Variants in HMGA2 observed in about 807,000 individuals in gnomAD.
HMGA2 encodes high mobility group AT-hook 2.
In HMGA2, 8 loss-of-function variants were observed where a neutral mutation model predicts 19.1. The observed-to-expected ratio is 0.42, with a 90% confidence interval of 0.25 to 0.76. The LOEUF is 0.76. Ranked by LOEUF, HMGA2 falls within the 30% of genes least tolerant of loss-of-function variation. The pLI is 0.28. For missense variants in HMGA2, 109 were observed against 136.3 expected, an observed-to-expected ratio of 0.80 and a Z score of 1.00; for synonymous variants, 60 against 48.8, an observed-to-expected ratio of 1.23 and a Z score of -0.96.
chr12:65,882,174 C>T (rs1490645980), intron 3 of HMGA2: 5 of 380,648 alleles, frequency 1.3e-5, no homozygotes, highest in Non-Finnish European at 2.0e-5. Flanking sequence ...GCTGGCCTTT[C>T]TGCTGCTGGT....
chr12:65,907,452 G>C (rs1325031533), intron 3 of HMGA2, among the ~76,000 whole-genome samples: 1 of 150,142 alleles, frequency 6.7e-6, no homozygotes, highest in Admixed American at 6.6e-5. Context: ...AAAGTGCTCT[G>C]ATAGTCATAT....
intron 3 of HMGA2, among the ~76,000 whole-genome samples, chr12:65,897,610 A>G (rs1343943381): frequency 6.6e-6 from 1 of 152,200 alleles, no homozygotes; most frequent in African/African-American, 2.4e-5. Flanking sequence ...AAAAGTCAAA[A>G]GGAATGTTAG....
At chr12:65,882,037 C>T in intron 3 of HMGA2, 1 of 644,132 alleles carries the variant, frequency 1.6e-6, no homozygotes, top group Non-Finnish European at 2.8e-6. Context: ...GTTTTACCTC[C>T]CAGTTGTCTA....
intron 2 of HMGA2, among the ~76,000 whole-genome samples, chr12:65,835,707 A>G (rs183822495): frequency 1.8e-4 from 28 of 152,288 alleles, no homozygotes; most frequent in Non-Finnish European, 3.7e-4. Flanking sequence ...TCTTTCAGAA[A>G]AAAAACCTCT....
At chr12:65,890,648 C>A (rs189515468) in intron 3 of HMGA2, among the ~76,000 whole-genome samples, 4 of 152,200 alleles carry the variant, frequency 2.6e-5, no homozygotes, top group Admixed American at 2.0e-4. Context: ...TTCAGATAGA[C>A]CTGAACTCCA....
intron 3 of HMGA2, among the ~76,000 whole-genome samples, chr12:65,855,560 G>A (rs905580084): frequency 6.6e-6 from 1 of 151,486 alleles, no homozygotes; most frequent in Non-Finnish European, 1.5e-5. Context: ...AAATGTCTCA[G>A]GCCTGCACTC....
chr12:65,909,408 G>A (rs894488295), intron 3 of HMGA2, among the ~76,000 whole-genome samples: 1 of 151,984 alleles, frequency 6.6e-6, no homozygotes, highest in African/African-American at 2.4e-5. Context: ...CTGTAATGTG[G>A]AATATTTAGC....
intron 3 of HMGA2, among the ~76,000 whole-genome samples, chr12:65,890,916 T>C (rs1192172824): frequency 6.6e-6 from 1 of 151,850 alleles, no homozygotes; most frequent in Non-Finnish European, 1.5e-5. Flanking sequence ...AGAGACGGGG[T>C]TTCACTGTGT....
At chr12:65,886,631 A>G (rs1873669652) in intron 3 of HMGA2, among the ~76,000 whole-genome samples, 1 of 151,942 alleles carries the variant, frequency 6.6e-6, no homozygotes, top group African/African-American at 2.4e-5. Flanking sequence ...TGCTGGGATT[A>G]CAGGCATGAG....
At chr12:65,867,361 G>A in intron 3 of HMGA2, 1 of 344,310 alleles carries the variant, frequency 2.9e-6, no homozygotes, top group Non-Finnish European at 5.8e-6. Flanking sequence ...TCTCAGGAAG[G>A]GGAACTTCTA....
At chr12:65,915,886 C>T (rs1875081166) in intron 3 of HMGA2, among the ~76,000 whole-genome samples, 1 of 152,146 alleles carries the variant, frequency 6.6e-6, no homozygotes, top group African/African-American at 2.4e-5. Context: ...CGTTGCTTCC[C>T]CCTCTTCTCT....
intron 3 of HMGA2, among the ~76,000 whole-genome samples, chr12:65,883,241 T>C (rs1264536940): frequency 6.6e-6 from 1 of 152,240 alleles, no homozygotes; most frequent in African/African-American, 2.4e-5. Context: ...TATGTGATCT[T>C]GCCTCCTTAG....
chr12:65,867,476 T>A (rs528690366), intron 3 of HMGA2: 1 of 455,286 alleles, frequency 2.2e-6, no homozygotes, highest in African/African-American at 2.0e-5. Flanking sequence ...AATGAGTGTT[T>A]ATTATGTTTA....
chr12:65,881,512 C>T, intron 3 of HMGA2: 1 of 574,106 alleles, frequency 1.7e-6, no homozygotes, highest in Non-Finnish European at 3.1e-6. Flanking sequence ...CAGAACAAAA[C>T]AAAACAAAAA....
chr12:65,829,085 A>G (rs1418571705), intron 2 of HMGA2: 1 of 152,140 alleles, frequency 6.6e-6, no homozygotes, highest in Non-Finnish European at 1.5e-5. Context: ...CATGTACAGT[A>G]TTTGTTAGAA....
rs1874546543 is a variant in HMGA2 at position 65,905,354 on chromosome 12, T to A, written c.250-46029T>A. Among the ~76,000 whole-genome samples the A allele has an allele frequency of 3.9e-5, 6 of 152,198 alleles. 1 individual carries two copies. The South Asian group carries it at 1.2e-3, about 32-fold the overall frequency. ...TTTCTCATGCTTTATTCTGCTTAAT[T>A]TTGTTTACGTGTTTATCAAGCTTCT... On this transcript the variant is annotated intron_variant, in intron 3 of 4. Coordinates refer to ENST00000403681, the MANE Select transcript of HMGA2 (RefSeq NM_003483.6).
intron 1 of HMGA2, chr12:65,826,411 T>A (rs1056027181): frequency 6.6e-6 from 1 of 152,244 alleles, no homozygotes; most frequent in Non-Finnish European, 1.5e-5. Flanking sequence ...GGGATATGTC[T>A]ATTGAGAACA....
intron 3 of HMGA2, among the ~76,000 whole-genome samples, chr12:65,938,011 G>A (rs1339612276): frequency 6.6e-6 from 1 of 152,164 alleles, no homozygotes; most frequent in Non-Finnish European, 1.5e-5. Flanking sequence ...TGTTCATGGT[G>A]GTGATGCTGG....
chr12:65,870,053 T>C (rs2121032026), intron 3 of HMGA2, among the ~76,000 whole-genome samples: 1 of 152,266 alleles, frequency 6.6e-6, no homozygotes, highest in South Asian at 2.1e-4. Flanking sequence ...ATTCCAGCTA[T>C]ATTCAATAAA....
Sources: allele counts gnomAD v4.1 joint callset (sites outside exome capture counted in the v4.1 genomes callset), GRCh38; gene constraint gnomAD v4.1.1; transcripts MANE v1.5; gene names NCBI Gene and HGNC (gene_info 2026-07-23, HGNC 2026-07-21).